FRMD4A: variants seen among roughly 807,000 people sequenced by gnomAD.
FRMD4A encodes FERM domain-containing protein 4A.
Under a neutral mutation model 129.1 loss-of-function variants are expected in FRMD4A, and 29 were observed. The observed-to-expected ratio is 0.22, with a 90% CI of 0.17 to 0.31. The LOEUF (loss-of-function observed/expected upper bound fraction) is 0.31. Ranked by LOEUF, FRMD4A falls within the 10% of genes least tolerant of loss-of-function variation. FRMD4A has a pLI of 1.00. For synonymous variants in FRMD4A, 634 were observed against 571.6 expected (o/e 1.11, Z -1.56); for missense variants, 1,272 against 1,375.8 (o/e 0.92, Z 1.19).
At chr10:13,650,646 A>G (rs549237787) in intron 24 of FRMD4A, among the ~76,000 whole-genome samples, 1 of 152,226 alleles carries the variant, frequency 6.6e-6, no homozygotes, top group African/African-American at 2.4e-5. Context: ...GAGGGGGTCT[A>G]CCTTCCTTCC....
chr10:13,826,998 A>G (rs1440371799), intron 3 of FRMD4A, among the ~76,000 whole-genome samples: 1 of 152,194 alleles, frequency 6.6e-6, no homozygotes, highest in Non-Finnish European at 1.5e-5. Flanking sequence ...TTTATTCTAT[A>G]TTCTACATAC....
At chr10:14,205,061 CT>C (rs57239612) in intron 2 of FRMD4A, among the ~76,000 whole-genome samples, 1,767 of 97,538 alleles carry the variant, frequency 0.018, 34 homozygotes, top group African/African-American at 0.046. Flanking sequence ...TCTTTTCTTT[CT>C]TTTTTTTTTT....
At chr10:14,290,172 T>G (rs1324995558) in intron 2 of FRMD4A, among the ~76,000 whole-genome samples, 2 of 152,000 alleles carry the variant, frequency 1.3e-5, no homozygotes, top group African/African-American at 4.8e-5. Context: ...ACCTATAAAT[T>G]TATTGCAATC....
At chr10:14,089,636 A>C (rs1366149606) in intron 2 of FRMD4A, among the ~76,000 whole-genome samples, 1 of 141,212 alleles carries the variant, frequency 7.1e-6, no homozygotes, top group African/African-American at 2.8e-5. Flanking sequence ...AAAACAAAAA[A>C]AAACAAACAA....
intron 2 of FRMD4A, among the ~76,000 whole-genome samples, chr10:14,324,687 G>A (rs553634157): frequency 7.4e-5 from 9 of 122,404 alleles, no homozygotes; most frequent in South Asian, 2.6e-4. Context: ...ATGGAGTCCC[G>A]CTCTGTCACC....
intron 12 of FRMD4A, among the ~76,000 whole-genome samples, chr10:13,735,244 G>T (rs188436370): frequency 9.9e-5 from 15 of 152,218 alleles, no homozygotes; most frequent in Non-Finnish European, 2.1e-4. Context: ...CTTCAAGTAG[G>T]AATGGGCTGG....
intron 2 of FRMD4A, among the ~76,000 whole-genome samples, chr10:14,147,822 G>T (rs886360961): frequency 2.0e-5 from 3 of 152,172 alleles, no homozygotes; most frequent in Non-Finnish European, 2.9e-5. Flanking sequence ...GACCCCTGCT[G>T]TAGAGTGCTG....
intron 2 of FRMD4A, among the ~76,000 whole-genome samples, chr10:13,974,870 G>A (rs554589254): frequency 7.2e-5 from 11 of 152,356 alleles, no homozygotes; most frequent in Non-Finnish European, 1.3e-4. Flanking sequence ...TCACAAGGCA[G>A]CTCCCCACGT....
intron 2 of FRMD4A, among the ~76,000 whole-genome samples, chr10:14,258,668 G>T (rs1678438742): frequency 6.6e-6 from 1 of 152,120 alleles, no homozygotes. Context: ...TTATACCTAG[G>T]TATTTACTTA....
At chr10:14,067,185 G>T (rs11813553) in intron 2 of FRMD4A, among the ~76,000 whole-genome samples, 1 of 151,820 alleles carries the variant, frequency 6.6e-6, no homozygotes, top group Non-Finnish European at 1.5e-5. Context: ...GCGTGGTGGC[G>T]GGTGCCTGTA....
rs1381689339 is a variant in FRMD4A, at chr10:13,770,783, C to T, written c.385-8103G>A. Among the ~76,000 whole-genome samples the T allele has an allele frequency of 5.3e-5, 8 of 152,182 alleles. No individual in the cohort carries two copies. The East Asian group carries it at 5.8e-4, about 11-fold the overall frequency. On this transcript the variant is annotated intron_variant, in intron 6 of 24. Transcript: ENST00000357447. ...TTAGAGATCATGGGCACAGCCAAGA[C>T]GACAGATCCATGTAAGCTTGTTTCT...
chr10:14,052,973 C>G (rs889617277), intron 2 of FRMD4A, among the ~76,000 whole-genome samples: 2 of 151,904 alleles, frequency 1.3e-5, no homozygotes, highest in African/African-American at 4.8e-5. Flanking sequence ...TCCCCACAAC[C>G]CGAACATCTC....
At position 14,068,341 on chromosome 10, in the gene FRMD4A, C is replaced by A. The variant is rs547512312; in HGVS notation, c.46-209429G>T. On this transcript the variant is annotated intron_variant, in intron 2 of 24. Transcript: ENST00000357447. ...TGTTTAGGAGAGTGAAATGGTTATG[C>A]CTAAGAACTGCTAATACATATCAGA... Among the ~76,000 whole-genome samples, 16 of 152,200 alleles carry A rather than the reference C, an allele frequency of 1.1e-4. No individual in the cohort carries two copies. In the South Asian group the frequency reaches 2.9e-3, roughly 28 times the overall value.
chr10:14,092,976 G>A (rs554299245), intron 2 of FRMD4A, among the ~76,000 whole-genome samples: 1 of 152,300 alleles, frequency 6.6e-6, no homozygotes, highest in East Asian at 1.9e-4. Context: ...AATATGATTG[G>A]CCCAGTGATG....
At chr10:14,068,115 G>A (rs898187350) in intron 2 of FRMD4A, among the ~76,000 whole-genome samples, 5 of 152,134 alleles carry the variant, frequency 3.3e-5, no homozygotes, top group South Asian at 2.1e-4. Context: ...TAAATATTTC[G>A]GAGAGCAGTA....
At position 14,105,055 on chromosome 10, in the gene FRMD4A, G is replaced by A. The variant is rs187082739; in HGVS notation, c.45+225003C>T. Among the ~76,000 whole-genome samples, 621 of 152,274 alleles carry A rather than the reference G, an allele frequency of 4.1e-3. 4 individuals carry two copies. Among genetic ancestry groups the A allele is most frequent in the African/African-American group, 0.013 (526 of 41,552 alleles). On this transcript the variant is annotated intron_variant, in intron 2 of 24. Transcript: ENST00000357447. ...CTTCCATCATCCCAGATCCTTACGCGTGGAGTCTCTCTCATTCTCACAACC... is the reference window on the plus strand; with the variant it reads ...CTTCCATCATCCCAGATCCTTACGCATGGAGTCTCTCTCATTCTCACAACC...
intron 2 of FRMD4A, among the ~76,000 whole-genome samples, chr10:14,101,173 T>A (rs143291087): frequency 5.6e-4 from 86 of 152,348 alleles, no homozygotes; most frequent in African/African-American, 2.0e-3. Flanking sequence ...ACAAAAAAGT[T>A]TGAAAATTTC....
chr10:14,192,409 A>C (rs1037196611), intron 2 of FRMD4A, among the ~76,000 whole-genome samples: 1 of 152,246 alleles, frequency 6.6e-6, no homozygotes, highest in Non-Finnish European at 1.5e-5. Context: ...CAAAAATGGG[A>C]AAGTGTAAAT....
In FRMD4A at chr10:13,866,001, C is replaced by G. The variant is rs10906523; in HGVS notation, c.46-7089G>C. 5.8e-3 allele frequency among the ~76,000 whole-genome samples: 876 copies of G among 152,170 alleles called. 6 individuals carry two copies. The highest frequency in any genetic ancestry group is 0.027 in the East Asian group (141 of 5,188). ...TTTTTTTAGTCTAGTTACCAATTGC[C>G]TACTCGTTGACATCCCCGTGAAAAG... On this transcript the variant is annotated intron_variant, in intron 2 of 24. Coordinates refer to ENST00000357447, the MANE Select transcript of FRMD4A (RefSeq NM_018027.5).
Sources: gnomAD v4.1 joint callset for allele counts (sites outside exome capture counted in the v4.1 genomes callset) on GRCh38, gnomAD v4.1.1 for gene constraint, MANE v1.5 for transcripts, NCBI Gene and HGNC (gene_info 2026-07-23, HGNC 2026-07-21) for gene names.